CALN1: variants seen among roughly 807,000 people sequenced by gnomAD.
CALN1 encodes calcium-binding protein 8.
A neutral mutation model predicts 30.6 loss-of-function variants in CALN1; 17 were observed. The observed-to-expected ratio is 0.56, with a 90% CI of 0.38 to 0.83. The LOEUF (loss-of-function observed/expected upper bound fraction) is 0.83, where lower values mean the gene tolerates loss of function less well. CALN1 is among the 40% of genes least tolerant of loss of function. The pLI, the probability that CALN1 is intolerant of heterozygous loss-of-function variation, is 0.00. For synonymous variants in CALN1, 156 were observed against 131.4 expected, an observed-to-expected ratio of 1.19 and a Z score of -1.28; for missense variants, 291 against 354.9, an observed-to-expected ratio of 0.82 and a Z score of 1.45.
At chr7:72,111,243 T>C (rs1807554647) in intron 3 of CALN1, among the ~76,000 whole-genome samples, 1 of 152,170 alleles carries the variant, frequency 6.6e-6, no homozygotes, top group Non-Finnish European at 1.5e-5. Flanking sequence ...CAACTGTCAT[T>C]GTGTGGAGTA....
At chr7:72,448,452 C>T (rs1808586260), upstream of CALN1, among the ~76,000 whole-genome samples, 1 of 152,066 alleles carries the variant, frequency 6.6e-6, no homozygotes, top group Admixed American at 6.6e-5. Context: ...CCTCTTTTTG[C>T]TTGCCCCTGC....
chr7:72,020,514 C>T (rs1406521351), intron 5 of CALN1, among the ~76,000 whole-genome samples: 1 of 152,084 alleles, frequency 6.6e-6, no homozygotes, highest in African/African-American at 2.4e-5. Flanking sequence ...GAAGGGGAGG[C>T]TGATTACTGA....
chr7:72,214,337 G>A (rs988103483), intron 3 of CALN1, among the ~76,000 whole-genome samples: 1 of 152,044 alleles, frequency 6.6e-6, no homozygotes, highest in Non-Finnish European at 1.5e-5. Flanking sequence ...AGAATTAGCT[G>A]GGTGTGGTGG....
chr7:72,083,691 C>A (rs1048827727), intron 4 of CALN1, among the ~76,000 whole-genome samples: 2 of 152,116 alleles, frequency 1.3e-5, no homozygotes, highest in African/African-American at 4.8e-5. Context: ...GAGGCCGAGG[C>A]AGGCAGTTCA....
intron 5 of CALN1, among the ~76,000 whole-genome samples, chr7:71,884,448 A>G (rs1792776602): frequency 6.6e-6 from 1 of 151,896 alleles, no homozygotes; most frequent in Non-Finnish European, 1.5e-5. Flanking sequence ...ACGAAACCCA[A>G]CAGAAGCCAC....
chr7:72,276,258 C>G (rs1476505116), intron 3 of CALN1, among the ~76,000 whole-genome samples: 1 of 152,178 alleles, frequency 6.6e-6, no homozygotes, highest in Non-Finnish European at 1.5e-5. Context: ...AAGCAAACAT[C>G]CACCCCACAT....
rs1422853640 is a variant in CALN1 at position 71,916,273 on chromosome 7, G to C, written c.502-105781C>G. Among the ~76,000 whole-genome samples, 4 of 151,976 alleles carry C rather than the reference G, an allele frequency of 2.6e-5. No individual in the cohort carries two copies. The South Asian group carries it at 8.3e-4, about 32-fold the overall frequency. On this transcript the variant is annotated intron_variant, in intron 5 of 6. Transcript: ENST00000395275. ...ATCAAACATTCTTAGTCCAGGAAGA[G>C]AGAGAAGACTTGGGAGGTAAAATGT...
chr7:71,968,496 T>C (rs926627155), intron 5 of CALN1, among the ~76,000 whole-genome samples: 1 of 151,944 alleles, frequency 6.6e-6, no homozygotes, highest in Non-Finnish European at 1.5e-5. Context: ...AATGGTGCAA[T>C]GTTGGCTAAC....
At chr7:71,844,392 C>T (rs1377751666) in intron 5 of CALN1, among the ~76,000 whole-genome samples, 1 of 152,140 alleles carries the variant, frequency 6.6e-6, no homozygotes, top group African/African-American at 2.4e-5. Context: ...GTGACACTCA[C>T]CCTGGAAAAA....
Position 72,266,606 on chromosome 7 carries a change from G to C in CALN1, c.244+12080C>G, listed in dbSNP as rs543623792. Among the ~76,000 whole-genome samples the C allele has an allele frequency of 9.3e-4, 141 of 152,196 alleles. 3 individuals are homozygous for C. In the South Asian group the frequency reaches 0.029, roughly 31 times the overall value. On this transcript the variant is annotated intron_variant, in intron 3 of 6. Coordinates refer to ENST00000395275, the MANE Select transcript of CALN1 (RefSeq NM_031468.4). The stretch of plus-strand genomic sequence containing the variant: ...TTCTATTCTGACAGCCTTTGCAGTT[G>C]TGTTTTTTCTTTTATCTTATGATGC...
intron 5 of CALN1, among the ~76,000 whole-genome samples, chr7:71,830,043 T>TC (rs1482926928): frequency 1.3e-5 from 2 of 151,672 alleles, no homozygotes; most frequent in African/African-American, 4.9e-5. Context: ...CTTTTTTTTT[T>TC]TTTTTGTTCT....
chr7:71,810,896 CTT>C (rs71092916), intron 5 of CALN1, among the ~76,000 whole-genome samples: 33 of 139,082 alleles, frequency 2.4e-4, no homozygotes, highest in South Asian at 2.3e-4. Context: ...AAGCATGTAT[CTT>C]TTTTTTTTTT....
At chr7:72,500,933 A>G in the CALN1 span, among the ~76,000 whole-genome samples, 2 of 152,082 alleles carry the variant, frequency 1.3e-5, no homozygotes, top group African/African-American at 4.8e-5. Context: ...ACAGTACCTA[A>G]ATTGTTGAAT....
At chr7:72,292,519 C>A (rs1006842381) in intron 2 of CALN1, among the ~76,000 whole-genome samples, 3 of 150,404 alleles carry the variant, frequency 2.0e-5, no homozygotes, top group African/African-American at 7.3e-5. Context: ...ATCACATTGG[C>A]AATAAGAATT....
At chr7:71,957,745 C>CT (rs939522648) in intron 5 of CALN1, among the ~76,000 whole-genome samples, 1 of 151,954 alleles carries the variant, frequency 6.6e-6, no homozygotes, top group Non-Finnish European at 1.5e-5. Flanking sequence ...AGGCTGGGTG[C>CT]TGTGGCTCAC....
chr7:71,865,014 AAAAGAAAG>A (rs561320178), intron 5 of CALN1, among the ~76,000 whole-genome samples: 1 of 152,102 alleles, frequency 6.6e-6, no homozygotes, highest in Non-Finnish European at 1.5e-5. Flanking sequence ...AAAAAAGGAA[AAAAGAAAG>A]AAAGAAAGAA....
intron 5 of CALN1, among the ~76,000 whole-genome samples, chr7:71,881,965 T>C (rs1410445348): frequency 7.9e-5 from 12 of 151,862 alleles, no homozygotes; most frequent in Admixed American, 2.0e-4. Context: ...CCCAGCTACT[T>C]GGGAGGCTGG....
chr7:72,055,891 C>T (rs1194316550), intron 4 of CALN1, among the ~76,000 whole-genome samples: 1 of 152,084 alleles, frequency 6.6e-6, no homozygotes, highest in African/African-American at 2.4e-5. Context: ...CTTGGTGGCA[C>T]ACACCCATAG....
intron 2 of CALN1, among the ~76,000 whole-genome samples, chr7:72,281,715 G>C (rs951293181): frequency 7.2e-5 from 11 of 152,154 alleles, no homozygotes; most frequent in African/African-American, 2.7e-4. Context: ...CATCACTCTA[G>C]TTTCTCAGCA....
Sources: gnomAD v4.1 joint callset for allele counts (sites outside exome capture counted in the v4.1 genomes callset) on GRCh38, gnomAD v4.1.1 for gene constraint, MANE v1.5 for transcripts, NCBI Gene and HGNC (gene_info 2026-07-23, HGNC 2026-07-21) for gene names.